The following AGBL4 variants were observed in gnomAD, a reference collection of about 807,000 sequenced individuals.
The protein encoded by AGBL4 is AGBL carboxypeptidase 4.
AGBL4 carries 58 observed loss-of-function variants against 66.4 expected under a neutral mutation model. The observed-to-expected ratio is 0.87, with a 90% CI of 0.71 to 1.09. AGBL4 has a LOEUF of 1.09. Among genes scored for constraint, AGBL4 ranks in the 50% least tolerant of loss-of-function variants. AGBL4 has a pLI of 0.00. For synonymous variants in AGBL4, 234 were observed against 222.9 expected (o/e 1.05, Z -0.44); for missense variants, 579 against 631.0 (o/e 0.92, Z 0.88).
At chr1:49,909,500 G>A (rs1389291946) in intron 1 of AGBL4, among the ~76,000 whole-genome samples, 1 of 152,140 alleles carries the variant, frequency 6.6e-6, no homozygotes, top group Non-Finnish European at 1.5e-5. Context: ...TATATCCTGA[G>A]GTGAGAGTGT....
intron 3 of AGBL4, among the ~76,000 whole-genome samples, chr1:49,657,482 T>C (rs1646167059): frequency 6.6e-6 from 1 of 152,152 alleles, no homozygotes; most frequent in Admixed American, 6.5e-5. Flanking sequence ...ACCAATGACT[T>C]TCTTCACAGA....
intron 4 of AGBL4, among the ~76,000 whole-genome samples, chr1:49,060,731 A>C (rs1327617245): frequency 6.6e-6 from 1 of 152,172 alleles, no homozygotes; most frequent in Non-Finnish European, 1.5e-5. Context: ...GAAATACAGG[A>C]AAATAGGACA....
chr1:49,707,937 G>C lies in AGBL4; in HGVS notation c.158-10500C>G, dbSNP rs1170284863. On this transcript the variant is annotated intron_variant, in intron 2 of 13. Coordinates refer to ENST00000371839, the MANE Select transcript of AGBL4 (RefSeq NM_032785.4). ...GAGACATCCCCTGTTAGTCTGATGG[G>C]CTTCCTTGTGTAGGTAACCTAATCT... is the stretch of plus-strand genomic sequence containing the variant. Among the ~76,000 whole-genome samples the C allele has an allele frequency of 1.3e-5, 2 of 152,106 alleles. 1 individual carries two copies. The highest frequency in any genetic ancestry group is 2.9e-5 in the Non-Finnish European group (2 of 68,020).
intron 6 of AGBL4, among the ~76,000 whole-genome samples, chr1:48,754,964 G>T (rs1231565494): frequency 6.6e-6 from 1 of 152,132 alleles, no homozygotes; most frequent in Admixed American, 6.5e-5. Flanking sequence ...GCAAAATGAC[G>T]GTGACAGTCT....
intron 1 of AGBL4, among the ~76,000 whole-genome samples, chr1:50,017,925 A>G (rs1348536161): frequency 6.6e-6 from 1 of 152,210 alleles, no homozygotes; most frequent in Admixed American, 6.5e-5. Flanking sequence ...ACAAACATAC[A>G]TAAATACATA....
chr1:48,912,721 C>A (rs1385166690), intron 5 of AGBL4, among the ~76,000 whole-genome samples: 1 of 152,178 alleles, frequency 6.6e-6, no homozygotes, highest in Non-Finnish European at 1.5e-5. Flanking sequence ...AACCTCATGT[C>A]TTGTTTGCTA....
intron 11 of AGBL4, among the ~76,000 whole-genome samples, chr1:48,578,916 T>C (rs1644694343): frequency 1.3e-5 from 2 of 152,032 alleles, no homozygotes; most frequent in African/African-American, 4.8e-5. Flanking sequence ...TCTAGCTTTC[T>C]TTTCACCAAG....
intron 5 of AGBL4, among the ~76,000 whole-genome samples, chr1:49,042,323 A>T (rs1021352681): frequency 1.3e-5 from 2 of 152,140 alleles, no homozygotes; most frequent in African/African-American, 4.8e-5. Flanking sequence ...GGGAACATAG[A>T]ATTCAAGGTA....
chr1:49,027,246 C>T (rs557802532), intron 5 of AGBL4, among the ~76,000 whole-genome samples: 4 of 152,006 alleles, frequency 2.6e-5, no homozygotes, highest in East Asian at 1.9e-4. Context: ...CTACAACCTC[C>T]GCCTCCCAGG....
intron 9 of AGBL4, among the ~76,000 whole-genome samples, chr1:48,630,635 C>G (rs935401646): frequency 6.6e-6 from 1 of 152,168 alleles, no homozygotes; most frequent in East Asian, 1.9e-4. Context: ...GTCTCTAGTT[C>G]GGCACCGTCC....
rs549511386 is a variant in AGBL4, at chr1:49,592,924, A to G, written c.282+104389T>C. Among the ~76,000 whole-genome samples the G allele has an allele frequency of 5.3e-5, 8 of 152,326 alleles. No individual in the cohort carries two copies. The East Asian group carries it at 1.5e-3, about 29-fold the overall frequency. On this transcript the variant is annotated intron_variant, in intron 3 of 13. Coordinates refer to ENST00000371839, the MANE Select transcript of AGBL4 (RefSeq NM_032785.4). The stretch of plus-strand genomic sequence containing the variant: ...AGAGATATAAATTGTTTAACTAGCA[A>G]TTTAATCAAATTCAGTCTAATGTAA...
chr1:49,145,519 T>C (rs572861858), intron 4 of AGBL4, among the ~76,000 whole-genome samples: 21 of 152,318 alleles, frequency 1.4e-4, no homozygotes, highest in South Asian at 6.2e-4. Flanking sequence ...ACAATTGTTT[T>C]AATGTAGGTA....
chr1:49,227,764 T>G (rs1431443285), intron 4 of AGBL4, among the ~76,000 whole-genome samples: 1 of 152,244 alleles, frequency 6.6e-6, no homozygotes, highest in Non-Finnish European at 1.5e-5. Flanking sequence ...GATCTCATCA[T>G]AAGACCCCTG....
intron 6 of AGBL4, among the ~76,000 whole-genome samples, chr1:48,732,730 T>C (rs1648343455): frequency 6.6e-6 from 1 of 152,174 alleles, no homozygotes; most frequent in Admixed American, 6.5e-5. Context: ...GCAGATCATC[T>C]GTAACAGGTG....
chr1:48,860,493 A>G (rs1296584145), intron 6 of AGBL4, among the ~76,000 whole-genome samples: 1 of 152,184 alleles, frequency 6.6e-6, no homozygotes, highest in African/African-American at 2.4e-5. Flanking sequence ...GACTAAAAGT[A>G]CACTACAGGA....
chr1:48,845,216 T>G (rs1646883228), intron 6 of AGBL4, among the ~76,000 whole-genome samples: 1 of 152,156 alleles, frequency 6.6e-6, no homozygotes, highest in Non-Finnish European at 1.5e-5. Context: ...CTACATCATA[T>G]CAGAGAAAAG....
intron 3 of AGBL4, among the ~76,000 whole-genome samples, chr1:49,372,213 T>G (rs1644360492): frequency 6.6e-6 from 1 of 152,166 alleles, no homozygotes; most frequent in African/African-American, 2.4e-5. Context: ...AGGCTCATGT[T>G]AAAAACAAAA....
At chr1:48,614,791 A>C (rs1343647502) in intron 9 of AGBL4, among the ~76,000 whole-genome samples, 1 of 152,186 alleles carries the variant, frequency 6.6e-6, no homozygotes, top group Non-Finnish European at 1.5e-5. Flanking sequence ...ACATACAAAC[A>C]AAGTATGGGG....
intron 5 of AGBL4, among the ~76,000 whole-genome samples, chr1:48,986,463 A>T (rs971349656): frequency 1.3e-5 from 2 of 152,054 alleles, no homozygotes; most frequent in African/African-American, 2.4e-5. Context: ...TAAAGATGAA[A>T]ACAGACTTCT....
Sources: gnomAD v4.1 joint callset for allele counts (sites outside exome capture counted in the v4.1 genomes callset) on GRCh38, gnomAD v4.1.1 for gene constraint, MANE v1.5 for transcripts, NCBI Gene and HGNC (gene_info 2026-07-23, HGNC 2026-07-21) for gene names.